Variants in KCNIP4 observed in about 807,000 individuals in gnomAD.
KCNIP4 encodes Kv channel-interacting protein 4.
KCNIP4 carries 12 observed loss-of-function variants against 34.0 expected under a neutral mutation model. The ratio of observed to expected loss-of-function variants is 0.35; its 90% CI spans 0.23 to 0.57. The LOEUF (loss-of-function observed/expected upper bound fraction) is 0.57. KCNIP4 is among the 20% of genes least tolerant of loss of function. The pLI is 0.83. For synonymous variants in KCNIP4, 124 were observed against 102.2 expected, an observed-to-expected ratio of 1.21 and a Z score of -1.29; for missense variants, 238 against 311.7, an observed-to-expected ratio of 0.76 and a Z score of 1.78.
At chr4:21,138,786 C>T (rs1265004296) in intron 1 of KCNIP4, among the ~76,000 whole-genome samples, 1 of 151,948 alleles carries the variant, frequency 6.6e-6, no homozygotes, top group Non-Finnish European at 1.5e-5. Flanking sequence ...CAGGGCAATG[C>T]AGTATGAGAA....
intron 1 of KCNIP4, among the ~76,000 whole-genome samples, chr4:21,785,057 G>A (rs575768921): frequency 2.7e-4 from 41 of 152,170 alleles, no homozygotes; most frequent in African/African-American, 9.2e-4. Flanking sequence ...TAAACTACAC[G>A]TACAGCAGTA....
intron 1 of KCNIP4, among the ~76,000 whole-genome samples, chr4:20,890,998 G>T (rs867935162): frequency 6.6e-6 from 1 of 152,162 alleles, no homozygotes; most frequent in South Asian, 2.1e-4. Flanking sequence ...AGTGCTGAGC[G>T]ATGGGCCATG....
chr4:21,190,754 C>A (rs934623647), intron 1 of KCNIP4, among the ~76,000 whole-genome samples: 10 of 152,130 alleles, frequency 6.6e-5, no homozygotes, highest in Non-Finnish European at 1.5e-4. Flanking sequence ...ACTCTAATGG[C>A]CAGTAGCCAT....
chr4:20,837,464 A>G (rs934052948), intron 3 of KCNIP4, among the ~76,000 whole-genome samples: 1 of 152,018 alleles, frequency 6.6e-6, no homozygotes, highest in South Asian at 2.1e-4. Flanking sequence ...GCAGAAAATG[A>G]TCTGATTTTA....
At chr4:21,609,670 G>T (rs1391839193) in intron 1 of KCNIP4, among the ~76,000 whole-genome samples, 1 of 152,154 alleles carries the variant, frequency 6.6e-6, no homozygotes, top group African/African-American at 2.4e-5. Flanking sequence ...AGAGAAAAGA[G>T]AAGAAGATTG....
intron 1 of KCNIP4, among the ~76,000 whole-genome samples, chr4:20,895,724 A>G (rs563015536): frequency 8.5e-5 from 13 of 152,352 alleles, no homozygotes; most frequent in African/African-American, 3.1e-4. Context: ...AGAATAGTCA[A>G]TGAAGCAAAG....
chr4:20,740,996 G>A (rs1041608630), intron 5 of KCNIP4, among the ~76,000 whole-genome samples: 1 of 152,124 alleles, frequency 6.6e-6, no homozygotes, highest in African/African-American at 2.4e-5. Context: ...TAATGGTAAA[G>A]GGATCAATTC....
chr4:21,212,942 A>G lies in KCNIP4; in HGVS notation c.62-330233T>C, dbSNP rs78905052. Among the ~76,000 whole-genome samples the G allele has an allele frequency of 5.3e-3, 811 of 152,328 alleles. 8 individuals are homozygous for G. Among genetic ancestry groups the G allele is most frequent in the African/African-American group, 0.019 (779 of 41,578 alleles). ...TATAGCACATAAACAAATATACAGT[A>G]TACATGGGGTATTAAAATTTCATTG... On this transcript the variant is annotated intron_variant, in intron 1 of 8. Coordinates refer to ENST00000382152, the MANE Select transcript of KCNIP4 (RefSeq NM_025221.6).
intron 1 of KCNIP4, among the ~76,000 whole-genome samples, chr4:21,103,798 T>C (rs1392697059): frequency 7.2e-6 from 1 of 138,918 alleles, no homozygotes; most frequent in East Asian, 2.4e-4. Flanking sequence ...TGTGTTCTCA[T>C]TGTTCAATTC....
chr4:20,740,802 C>T (rs911438248), intron 5 of KCNIP4, among the ~76,000 whole-genome samples: 3 of 152,134 alleles, frequency 2.0e-5, no homozygotes, highest in African/African-American at 4.8e-5. Flanking sequence ...CAAGATCCAT[C>T]AGTGTGCTGT....
chr4:21,208,455 C>T (rs1056607803), intron 1 of KCNIP4, among the ~76,000 whole-genome samples: 2 of 152,098 alleles, frequency 1.3e-5, no homozygotes, highest in African/African-American at 4.8e-5. Flanking sequence ...TCTTCATAAC[C>T]TGGTCCTCTA....
intron 1 of KCNIP4, among the ~76,000 whole-genome samples, chr4:21,907,067 A>T (rs894119411): frequency 6.6e-6 from 1 of 152,134 alleles, no homozygotes; most frequent in Non-Finnish European, 1.5e-5. Context: ...TATGATGAAG[A>T]CTACTGCTAT....
chr4:21,572,257 A>G (rs569705086), intron 1 of KCNIP4, among the ~76,000 whole-genome samples: 1 of 152,292 alleles, frequency 6.6e-6, no homozygotes, highest in East Asian at 1.9e-4. Flanking sequence ...CCAGTTTTGA[A>G]TCTCCTATTT....
At chr4:21,587,812 G>A (rs1364785101) in intron 1 of KCNIP4, among the ~76,000 whole-genome samples, 2 of 151,990 alleles carry the variant, frequency 1.3e-5, no homozygotes, top group Non-Finnish European at 2.9e-5. Context: ...AGAGTGGGAG[G>A]AAATCTTAGC....
chr4:21,412,607 A>AT (rs1172629859), intron 1 of KCNIP4, among the ~76,000 whole-genome samples: 2 of 152,170 alleles, frequency 1.3e-5, no homozygotes, highest in East Asian at 3.9e-4. Flanking sequence ...TGTGTATTTG[A>AT]TTTTAAAAGA....
rs566027497 is a variant in KCNIP4 at position 21,449,119 on chromosome 4, A to G, written c.61+499452T>C. ...CCCAGAAGGTGCTGGTGTCAGCCCA[A>G]AGAGCAGAGGTATGGGCTGAAAGGA... On this transcript the variant is annotated intron_variant, in intron 1 of 8. Coordinates refer to ENST00000382152, the MANE Select transcript of KCNIP4 (RefSeq NM_025221.6). 2.0e-5 allele frequency among the ~76,000 whole-genome samples: 3 copies of G among 152,328 alleles called. No individual in the cohort carries two copies. The East Asian group carries it at 5.8e-4, about 29-fold the overall frequency.
intron 1 of KCNIP4, among the ~76,000 whole-genome samples, chr4:21,046,234 C>T (rs937182723): frequency 6.6e-6 from 1 of 152,164 alleles, no homozygotes; most frequent in African/African-American, 2.4e-5. Context: ...TGAGGAAACT[C>T]ATAGAGGATG....
At chr4:21,475,945 T>G (rs937610017) in intron 1 of KCNIP4, among the ~76,000 whole-genome samples, 52 of 152,166 alleles carry the variant, frequency 3.4e-4, no homozygotes, top group African/African-American at 1.2e-3. Context: ...CAATGCGCTG[T>G]TATTAAATTC....
At chr4:21,628,774 G>A (rs1037553302) in intron 1 of KCNIP4, among the ~76,000 whole-genome samples, 2 of 152,056 alleles carry the variant, frequency 1.3e-5, no homozygotes, top group African/African-American at 4.8e-5. Context: ...ACATATTTAG[G>A]TAAATAGAAA....
Sources: allele counts gnomAD v4.1 joint callset (sites outside exome capture counted in the v4.1 genomes callset), GRCh38; gene constraint gnomAD v4.1.1; transcripts MANE v1.5; gene names NCBI Gene and HGNC (gene_info 2026-07-23, HGNC 2026-07-21).